TBC1D21: variants seen among roughly 807,000 people sequenced by gnomAD.
The protein encoded by TBC1D21 is TBC1 domain family member 21, also known as male germ cell Rab GTPase-activating protein.
A neutral mutation model predicts 46.0 loss-of-function variants in TBC1D21; 38 were observed. The ratio of observed to expected loss-of-function variants is 0.83; its 90% CI spans 0.64 to 1.08. The LOEUF is 1.08. TBC1D21 is among the 50% of genes least tolerant of loss of function. The probability of loss-of-function intolerance (pLI) is 0.00; values close to 1 mark genes in which losing one functional copy is unlikely to be tolerated. For missense variants in TBC1D21, 415 were observed against 417.9 expected, an observed-to-expected ratio of 0.99 and a Z score of 0.06; for synonymous variants, 151 against 157.2, an observed-to-expected ratio of 0.96 and a Z score of 0.29.
rs148646352 is a variant in TBC1D21, at chr15:73,886,124, T to C, written c.626T>C (p.Met209Thr). ...INIGVAKNLD[M>T]LSTLITFLDP... ...ATTGGCGTGGCCAAGAACCTAGACA[T>C]GCTCAGCACCCTGATCACCTTCCTG... is the stretch of plus-strand genomic sequence containing the variant. The change falls in exon 7 of 11, where the codon ATG becomes ACG. Residue 209 changes from methionine (M) to threonine (T), a missense_variant. Met to Thr is a moderately conservative substitution (Grantham distance 81, BLOSUM62 -1). Coordinates refer to ENST00000300504, the MANE Select transcript of TBC1D21 (RefSeq NM_153356.3). The C allele has an allele frequency of 6.2e-7, 1 of 1,614,092 alleles. No homozygotes were observed. Among genetic ancestry groups the C allele is most frequent in the African/African-American group, 1.3e-5 (1 of 74,930 alleles).
At chr15:73,877,016 A>G (rs752974890) in intron 1 of TBC1D21, among the ~76,000 whole-genome samples, 2 of 152,206 alleles carry the variant, frequency 1.3e-5, no homozygotes, top group Non-Finnish European at 2.9e-5. Flanking sequence ...AATCTCAGAT[A>G]TGCTAATTAA....
chr15:73,881,615 A>G, intron 2 of TBC1D21, 29 bp from the exon 3 acceptor site: 2 of 1,608,380 alleles, frequency 1.2e-6, no homozygotes, highest in Non-Finnish European at 1.7e-6. Flanking sequence ...GATAGAGCCC[A>G]TGACCTCCAC....
At chr15:73,894,067 T>C (rs35051165), downstream of TBC1D21, among the ~76,000 whole-genome samples, 40,519 of 152,154 alleles carry the variant, frequency 0.27, 6,223 homozygotes, top group East Asian at 0.68. Flanking sequence ...CATTACCCTC[T>C]CATTACCAGC....
At chr15:73,898,902 T>TATATATATATATATATATATATATATAC in the TBC1D21 span, among the ~76,000 whole-genome samples, 21 of 112,856 alleles carry the variant, frequency 1.9e-4, no homozygotes, top group South Asian at 9.1e-4. Context: ...TATATATATA[T>TATATATATATATATATATATATATATAC]ACACACACAC....
the TBC1D21 span, among the ~76,000 whole-genome samples, chr15:73,898,902 T>TAC: frequency 0.01 from 1,141 of 112,736 alleles, 26 homozygotes; most frequent in African/African-American, 0.015. Flanking sequence ...TATATATATA[T>TAC]ACACACACAC....
At chr15:73,900,233 A>G in the TBC1D21 span, among the ~76,000 whole-genome samples, 1 of 152,180 alleles carries the variant, frequency 6.6e-6, no homozygotes. Context: ...TTTTGTGAGA[A>G]TGAAACAAGA....
chr15:73,900,893 G>A, the TBC1D21 span, among the ~76,000 whole-genome samples: 2 of 152,158 alleles, frequency 1.3e-5, no homozygotes, highest in South Asian at 4.1e-4. Context: ...TGTAAAATGC[G>A]GCTAATAGCT....
chr15:73,890,825 G>A (rs916680754), downstream of TBC1D21, among the ~76,000 whole-genome samples: 3 of 152,134 alleles, frequency 2.0e-5, no homozygotes, highest in African/African-American at 7.2e-5. Context: ...GGAGCCCAGC[G>A]GATGAAGTTT....
At chr15:73,894,981 G>A in the TBC1D21 span, among the ~76,000 whole-genome samples, 1 of 152,216 alleles carries the variant, frequency 6.6e-6, no homozygotes, top group Non-Finnish European at 1.5e-5. Context: ...AATGAAGGAG[G>A]CTGGTGGCAG....
chr15:73,899,072 A>T, the TBC1D21 span, among the ~76,000 whole-genome samples: 1 of 151,952 alleles, frequency 6.6e-6, no homozygotes, highest in Non-Finnish European at 1.5e-5. Context: ...AATGCTCAGA[A>T]GCGCGTGTGG....
chr15:73,882,414 C>T (rs868858414), intron 3 of TBC1D21, among the ~76,000 whole-genome samples: 1 of 152,144 alleles, frequency 6.6e-6, no homozygotes, highest in Middle Eastern at 3.2e-3. Flanking sequence ...TTTGCACTCC[C>T]CTCTGTCCTT....
At chr15:73,895,892 C>G in the TBC1D21 span, among the ~76,000 whole-genome samples, 1 of 152,134 alleles carries the variant, frequency 6.6e-6, no homozygotes, top group Non-Finnish European at 1.5e-5. Context: ...CTTCTCTGCC[C>G]GGGCTCCTCA....
intron 1 of TBC1D21, among the ~76,000 whole-genome samples, chr15:73,876,785 C>A (rs988701724): frequency 2.0e-5 from 3 of 151,772 alleles, no homozygotes; most frequent in African/African-American, 7.3e-5. Context: ...TATCTTTGTT[C>A]GTCATTTATT....
downstream of TBC1D21, among the ~76,000 whole-genome samples, chr15:73,892,552 C>A (rs1047330998): frequency 2.0e-5 from 3 of 152,232 alleles, no homozygotes; most frequent in African/African-American, 7.2e-5. Flanking sequence ...TTGTGGTACT[C>A]CTGGTCCAGC....
the TBC1D21 span, among the ~76,000 whole-genome samples, chr15:73,896,735 T>A: frequency 6.6e-6 from 1 of 152,154 alleles, no homozygotes; most frequent in African/African-American, 2.4e-5. Context: ...GCAGACTCGG[T>A]ATGCACTCCA....
At chr15:73,881,184 G>A (rs2068147456) in intron 1 of TBC1D21, among the ~76,000 whole-genome samples, 1 of 152,160 alleles carries the variant, frequency 6.6e-6, no homozygotes, top group Non-Finnish European at 1.5e-5. Context: ...TAGAGTGCTT[G>A]CATTTTTCAT....
intron 3 of TBC1D21, among the ~76,000 whole-genome samples, chr15:73,883,814 T>C (rs1027759370): frequency 6.6e-5 from 10 of 152,188 alleles, no homozygotes; most frequent in African/African-American, 2.4e-4. Context: ...ATTCTACAGA[T>C]GGGGAAACTG....
chr15:73,896,795 G>A, the TBC1D21 span, among the ~76,000 whole-genome samples: 1 of 152,204 alleles, frequency 6.6e-6, no homozygotes, highest in African/African-American at 2.4e-5. Context: ...TGATCAGTGG[G>A]ATGGCCTGAG....
chr15:73,897,703 C>T, the TBC1D21 span, among the ~76,000 whole-genome samples: 2 of 152,320 alleles, frequency 1.3e-5, no homozygotes, highest in South Asian at 2.1e-4. Flanking sequence ...GAGGTGTTGC[C>T]GAGAGGGAGG....
Sources: gnomAD v4.1 joint callset for allele counts (sites outside exome capture counted in the v4.1 genomes callset) on GRCh38, gnomAD v4.1.1 for gene constraint, MANE v1.5 for transcripts, NCBI Gene and HGNC (gene_info 2026-07-23, HGNC 2026-07-21) for gene names.